Variants in FSTL5 observed in about 807,000 individuals in gnomAD.
FSTL5 encodes the protein follistatin like 5, also known as follistatin-related protein 5.
In FSTL5, 62 loss-of-function variants were observed where a neutral mutation model predicts 89.1. That is an observed-to-expected ratio of 0.70 (90% CI 0.57 to 0.86). The LOEUF is 0.86. Ranked by LOEUF, FSTL5 falls within the 40% of genes least tolerant of loss-of-function variation. The pLI is 0.00. For synonymous variants in FSTL5, 383 were observed against 346.2 expected, an observed-to-expected ratio of 1.11 and a Z score of -1.18; for missense variants, 1,057 against 1,001.6, an observed-to-expected ratio of 1.06 and a Z score of -0.75.
chr4:161,431,195 T>C (rs1278009306), intron 15 of FSTL5, among the ~76,000 whole-genome samples: 2 of 152,148 alleles, frequency 1.3e-5, no homozygotes, highest in African/African-American at 4.8e-5. Flanking sequence ...TACTCATATC[T>C]TGACTAGAAA....
intron 4 of FSTL5, among the ~76,000 whole-genome samples, chr4:161,797,318 G>A (rs1729661303): frequency 6.6e-6 from 1 of 151,536 alleles, no homozygotes; most frequent in Non-Finnish European, 1.5e-5. Context: ...GAATATTGAA[G>A]ATTCATATTA....
At chr4:161,818,549 C>A (rs192335355) in intron 4 of FSTL5, among the ~76,000 whole-genome samples, 2 of 152,308 alleles carry the variant, frequency 1.3e-5, no homozygotes, top group East Asian at 3.9e-4. Context: ...ACATCACCAT[C>A]GGGTGGGAGC....
chr4:161,646,373 T>C (rs1219524143), intron 7 of FSTL5, among the ~76,000 whole-genome samples: 1 of 150,542 alleles, frequency 6.6e-6, no homozygotes, highest in African/African-American at 2.4e-5. Flanking sequence ...TTCAGCAGTT[T>C]AGTTAGAAGC....
At chr4:161,629,867 T>TC (rs1735444816) in intron 7 of FSTL5, among the ~76,000 whole-genome samples, 1 of 152,178 alleles carries the variant, frequency 6.6e-6, no homozygotes, top group African/African-American at 2.4e-5. Context: ...GGGAAAGCTA[T>TC]CCCCTGAACG....
intron 2 of FSTL5, among the ~76,000 whole-genome samples, chr4:162,060,117 G>T (rs1738674376): frequency 6.6e-6 from 1 of 152,042 alleles, no homozygotes; most frequent in African/African-American, 2.4e-5. Flanking sequence ...TTAATAATCA[G>T]TCGGTTTGTG....
intron 7 of FSTL5, among the ~76,000 whole-genome samples, chr4:161,641,211 A>G (rs1264902915): frequency 6.6e-6 from 1 of 152,308 alleles, no homozygotes; most frequent in Non-Finnish European, 1.5e-5. Flanking sequence ...TAAAGAAATA[A>G]GAATCTCAAT....
intron 13 of FSTL5, among the ~76,000 whole-genome samples, chr4:161,461,639 T>C (rs1237138684): frequency 6.6e-6 from 1 of 152,104 alleles, no homozygotes; most frequent in Non-Finnish European, 1.5e-5. Flanking sequence ...GCTTAAGGAA[T>C]AGTTAATCTG....
chr4:161,860,286 T>A (rs972340072), intron 4 of FSTL5, among the ~76,000 whole-genome samples: 28 of 149,798 alleles, frequency 1.9e-4, no homozygotes, highest in African/African-American at 2.9e-4. Context: ...AGACTCCGTC[T>A]CAAACAAACA....
intron 6 of FSTL5, among the ~76,000 whole-genome samples, chr4:161,738,277 A>G (rs1263065034): frequency 1.3e-5 from 2 of 152,096 alleles, no homozygotes; most frequent in African/African-American, 4.8e-5. Flanking sequence ...GTAGCCATTA[A>G]CCTATAAATA....
intron 7 of FSTL5, among the ~76,000 whole-genome samples, chr4:161,647,520 T>A (rs867301956): frequency 0.019 from 2,817 of 146,400 alleles, 94 homozygotes; most frequent in African/African-American, 0.066. Flanking sequence ...TTATTTCGTT[T>A]AAAAAAAAAA....
chr4:161,491,629 T>A (rs754626926), intron 12 of FSTL5, among the ~76,000 whole-genome samples: 2 of 151,944 alleles, frequency 1.3e-5, no homozygotes, highest in African/African-American at 2.4e-5. Context: ...TCACCTGAGG[T>A]CAGGAGTTCA....
At chr4:161,513,275 GAGAGA>G (rs1560932043) in intron 10 of FSTL5, among the ~76,000 whole-genome samples, 2 of 5,566 alleles carry the variant, frequency 3.6e-4, no homozygotes, top group African/African-American at 8.1e-4. Flanking sequence ...AGGAGGGGGA[GAGAGA>G]GAGAGAGAGA....
intron 3 of FSTL5, among the ~76,000 whole-genome samples, chr4:161,972,326 G>A (rs781071914): frequency 1.2e-4 from 19 of 152,046 alleles, no homozygotes; most frequent in Non-Finnish European, 2.8e-4. Context: ...CACATGTCTC[G>A]GCCTCCTAAA....
chr4:161,945,113 A>G (rs1045711779), intron 3 of FSTL5, among the ~76,000 whole-genome samples: 1 of 152,136 alleles, frequency 6.6e-6, no homozygotes, highest in Admixed American at 6.6e-5. Flanking sequence ...TCTACTTATA[A>G]TAACTCTATG....
chr4:161,873,140 T>C (rs1732329010), intron 4 of FSTL5, among the ~76,000 whole-genome samples: 2 of 152,186 alleles, frequency 1.3e-5, no homozygotes, highest in Admixed American at 1.3e-4. Flanking sequence ...ACACTCATCC[T>C]AAGAAGCAAG....
chr4:161,631,971 G>A (rs183673989), intron 7 of FSTL5, among the ~76,000 whole-genome samples: 1 of 152,280 alleles, frequency 6.6e-6, no homozygotes, highest in African/African-American at 2.4e-5. Context: ...GAAGTACACT[G>A]AAGCTATATT....
At chr4:162,132,314 G>C (rs1732334130) in intron 1 of FSTL5, among the ~76,000 whole-genome samples, 1 of 152,174 alleles carries the variant, frequency 6.6e-6, no homozygotes, top group South Asian at 2.1e-4. Context: ...TGGCACACTT[G>C]AGAATTTTAA....
chr4:161,779,787 A>ATGTATATG (rs1186269030), intron 4 of FSTL5, among the ~76,000 whole-genome samples: 2 of 30,108 alleles, frequency 6.6e-5, no homozygotes, highest in Admixed American at 7.8e-4. Context: ...ATATATATAT[A>ATGTATATG]TATATATATA....
At chr4:161,820,867 A>G (rs1218490348) in intron 4 of FSTL5, among the ~76,000 whole-genome samples, 1 of 151,602 alleles carries the variant, frequency 6.6e-6, no homozygotes, top group Non-Finnish European at 1.5e-5. Context: ...ATGATTTTGT[A>G]TGTTTGTTAC....
Sources: allele counts gnomAD v4.1 joint callset (sites outside exome capture counted in the v4.1 genomes callset), GRCh38; gene constraint gnomAD v4.1.1; transcripts MANE v1.5; gene names NCBI Gene and HGNC (gene_info 2026-07-23, HGNC 2026-07-21).